PLCL2: variants seen among roughly 807,000 people sequenced by gnomAD.
The protein encoded by PLCL2 is phospholipase C like 2.
A neutral mutation model predicts 79.6 loss-of-function variants in PLCL2; 4 were observed. The ratio of observed to expected loss-of-function variants is 0.05; its 90% CI spans 0.02 to 0.11. The LOEUF (loss-of-function observed/expected upper bound fraction) is 0.11, where lower values mean the gene tolerates loss of function less well. Among genes scored for constraint, PLCL2 ranks in the 10% least tolerant of loss-of-function variants. PLCL2 has a pLI of 1.00. For synonymous variants in PLCL2, 484 were observed against 457.7 expected, an observed-to-expected ratio of 1.06 and a Z score of -0.73; for missense variants, 895 against 1,291.0, an observed-to-expected ratio of 0.69 and a Z score of 4.70.
chr3:16,922,259 T>C (rs1697140515), intron 1 of PLCL2, among the ~76,000 whole-genome samples: 1 of 152,216 alleles, frequency 6.6e-6, no homozygotes, highest in Admixed American at 6.5e-5. Flanking sequence ...TTAAGCATAT[T>C]ACCTCCCTCA....
intron 4 of PLCL2, among the ~76,000 whole-genome samples, chr3:17,059,235 C>T (rs2064920710): frequency 6.6e-6 from 1 of 151,780 alleles, no homozygotes. Context: ...ATTCAAAAAT[C>T]AACTGTGACA....
Position 17,010,542 on chromosome 3 carries a change from G to C in PLCL2, c.1196G>C (p.Trp399Ser), listed in dbSNP as rs1370940224. 1 of 1,613,984 alleles carries C rather than the reference G, an allele frequency of 6.2e-7. No homozygotes were observed. The highest frequency in any genetic ancestry group is 8.5e-7 in the Non-Finnish European group (1 of 1,180,006). The change falls in exon 2 of 6, where the codon TGG (tryptophan) becomes TCG (serine). Residue 399 changes from tryptophan to serine, a missense_variant. Trp to Ser is a radical substitution (Grantham distance 177). Coordinates refer to ENST00000615277, the MANE Select transcript of PLCL2 (RefSeq NM_001144382.2). This position sits in a 1 kb window ranked among gnomAD's most constrained non-coding sequence, Gnocchi z 5.8. Reference sequence around the variant, plus strand: ...TCCAAAGAGGGTCAGGAAAAGGGCTGGCTCTCCATAGACGGGTTCACTAAT... The same window carrying C: ...TCCAAAGAGGGTCAGGAAAAGGGCTCGCTCTCCATAGACGGGTTCACTAAT... ...EPSKEGQEKG[W>S]LSIDGFTNYL...
intron 1 of PLCL2, among the ~76,000 whole-genome samples, chr3:16,941,737 C>T (rs779742312): frequency 3.9e-5 from 6 of 152,102 alleles, no homozygotes; most frequent in East Asian, 1.9e-4. Context: ...CTATCTCTCA[C>T]CCTGTAATTG....
rs756612166 is a variant in PLCL2, at chr3:17,011,775, T to C, written c.2429T>C (p.Ile810Thr). The C allele has an allele frequency of 3.1e-5, 50 of 1,614,104 alleles. No homozygotes were observed. Among genetic ancestry groups the C allele is most frequent in the Non-Finnish European group, 4.2e-5 (50 of 1,180,036 alleles). ...KTVHQNGDAP[I>T]FDESFEFQIN... ...GTGCACCAGAATGGAGACGCTCCCATTTTTGATGAAAGCTTTGAATTTCAA... is the reference window on the plus strand; with the variant it reads ...GTGCACCAGAATGGAGACGCTCCCACTTTTGATGAAAGCTTTGAATTTCAA... The change falls in exon 2 of 6, where the codon ATT (isoleucine) becomes ACT (threonine). Residue 810 changes from isoleucine (I) to threonine (T), a missense_variant. Around this residue, in one of 6 missense-constraint regions of PLCL2, gnomAD observed 298 missense variants for 459.6 expected, o/e 0.65. Coordinates refer to ENST00000615277, the MANE Select transcript of PLCL2 (RefSeq NM_001144382.2). The surrounding 1 kb of genome is among the most constrained non-coding windows in gnomAD (Gnocchi z 7.9).
chr3:16,985,665 C>T (rs1438930078), intron 1 of PLCL2, among the ~76,000 whole-genome samples: 1 of 152,102 alleles, frequency 6.6e-6, no homozygotes, highest in East Asian at 1.9e-4. Context: ...ATTACCTGTG[C>T]CCAGGCACTG....
chr3:17,060,090 C>T (rs1221354221), intron 4 of PLCL2, among the ~76,000 whole-genome samples: 1 of 151,828 alleles, frequency 6.6e-6, no homozygotes, highest in Non-Finnish European at 1.5e-5. Context: ...TTGCTAAGCG[C>T]ATTATTCTTC....
intron 2 of PLCL2, among the ~76,000 whole-genome samples, chr3:17,013,079 T>C (rs1396030256): frequency 1.3e-5 from 2 of 152,262 alleles, no homozygotes; most frequent in Non-Finnish European, 2.9e-5. Flanking sequence ...AAATTTGTTT[T>C]CTTTCTCTTA....
chr3:17,022,370 T>C (rs1575591377), intron 3 of PLCL2, among the ~76,000 whole-genome samples: 1 of 152,176 alleles, frequency 6.6e-6, no homozygotes, highest in South Asian at 2.1e-4. Flanking sequence ...ATTTTGCTCC[T>C]GTATAATTTC....
rs111621512 is a variant in PLCL2 at position 17,085,481 on chromosome 3, G to A, written c.3205-4252G>A. Among the ~76,000 whole-genome samples, 1,217 of 147,806 alleles carry A rather than the reference G, an allele frequency of 8.2e-3. 19 individuals are homozygous for A. The highest frequency in any genetic ancestry group is 0.027 in the African/African-American group (1,055 of 39,794). On this transcript the variant is annotated intron_variant, in intron 5 of 5. Transcript: ENST00000615277. Reference sequence around the variant, plus strand: ...GTCTCACTTTGTGAGACAGAGTGTCGCTCTTGTTGCCCAGGCTGGAGTGCA... The same window carrying A: ...GTCTCACTTTGTGAGACAGAGTGTCACTCTTGTTGCCCAGGCTGGAGTGCA...
intron 1 of PLCL2, among the ~76,000 whole-genome samples, chr3:16,888,304 A>G (rs1696270672): frequency 1.3e-5 from 2 of 152,254 alleles, no homozygotes; most frequent in South Asian, 4.1e-4. Context: ...TTGTTGTAAA[A>G]CAATATTTTC....
At chr3:16,966,558 T>C (rs1179019665) in intron 1 of PLCL2, among the ~76,000 whole-genome samples, 1 of 152,178 alleles carries the variant, frequency 6.6e-6, no homozygotes, top group Non-Finnish European at 1.5e-5. Flanking sequence ...GGATACCTTC[T>C]TTTTCTGTTG....
intron 1 of PLCL2, among the ~76,000 whole-genome samples, chr3:16,904,459 T>G (rs1284999521): frequency 6.6e-6 from 1 of 152,136 alleles, no homozygotes; most frequent in African/African-American, 2.4e-5. Flanking sequence ...GGGAGGAGTT[T>G]ACTGGTGGGT....
intron 1 of PLCL2, among the ~76,000 whole-genome samples, chr3:16,954,837 G>A (rs1325207999): frequency 1.3e-5 from 2 of 152,180 alleles, no homozygotes; most frequent in East Asian, 3.8e-4. Flanking sequence ...TTTGAGAAGT[G>A]TCTGTTCAAG....
At chr3:17,044,447 C>T (rs747644552) in intron 4 of PLCL2, among the ~76,000 whole-genome samples, 3 of 152,128 alleles carry the variant, frequency 2.0e-5, no homozygotes, top group Admixed American at 6.5e-5. Flanking sequence ...ATTTATGTTA[C>T]CTAAAGCATT....
At chr3:16,956,938 TGCTA>T (rs1315945093) in intron 1 of PLCL2, among the ~76,000 whole-genome samples, 6 of 152,178 alleles carry the variant, frequency 3.9e-5, no homozygotes, top group African/African-American at 1.4e-4. Context: ...TTATTAGTCT[TGCTA>T]GCAGTCTATC....
intron 1 of PLCL2, among the ~76,000 whole-genome samples, chr3:16,956,190 T>G (rs1329300968): frequency 1.3e-5 from 2 of 152,186 alleles, no homozygotes; most frequent in African/African-American, 4.8e-5. Context: ...CTTATTATTT[T>G]GAGATACGTC....
At chr3:17,051,406 G>A (rs13096536) in intron 4 of PLCL2, among the ~76,000 whole-genome samples, 33,551 of 151,712 alleles carry the variant, frequency 0.22, 3,983 homozygotes, top group African/African-American at 0.28. Context: ...AACATGTCAC[G>A]TACCCCATAA....
intron 1 of PLCL2, among the ~76,000 whole-genome samples, chr3:16,968,656 C>T (rs2063828828): frequency 6.6e-6 from 1 of 152,044 alleles, no homozygotes; most frequent in Admixed American, 6.6e-5. Flanking sequence ...TTTATCAGAT[C>T]AAGGAGATTT....
At chr3:16,969,587 A>G (rs1259731700) in intron 1 of PLCL2, among the ~76,000 whole-genome samples, 4 of 151,888 alleles carry the variant, frequency 2.6e-5, no homozygotes, top group Non-Finnish European at 5.9e-5. Flanking sequence ...CAGTGATTAT[A>G]TCCCCTTTGT....
Sources: gnomAD v4.1 joint callset for allele counts (sites outside exome capture counted in the v4.1 genomes callset) on GRCh38, gnomAD v4.1.1 for gene constraint, gnomAD v4.1.1 regional missense constraint, Gnocchi (gnomAD v3.1) non-coding constraint, MANE v1.5 for transcripts, NCBI Gene and HGNC (gene_info 2026-07-23, HGNC 2026-07-21) for gene names.